PDGFD: variants seen among roughly 807,000 people sequenced by gnomAD.
PDGFD encodes platelet-derived growth factor D.
A neutral mutation model predicts 44.7 loss-of-function variants in PDGFD; 30 were observed. The observed-to-expected ratio is 0.67, with a 90% CI of 0.50 to 0.91. PDGFD has a LOEUF of 0.91. Among genes scored for constraint, PDGFD ranks in the 40% least tolerant of loss-of-function variants. The pLI is 0.00. For missense variants in PDGFD, 445 were observed against 457.8 expected (o/e 0.97, Z 0.25); for synonymous variants, 173 against 168.4 (o/e 1.03, Z -0.21).
chr11:104,137,053 C>G (rs1036764606), intron 1 of PDGFD, among the ~76,000 whole-genome samples: 3 of 152,162 alleles, frequency 2.0e-5, no homozygotes, highest in Non-Finnish European at 4.4e-5. Flanking sequence ...GCCCCTCCTT[C>G]CTGGTCCATT....
At chr11:104,021,829 C>A (rs1469734197) in intron 1 of PDGFD, among the ~76,000 whole-genome samples, 1 of 152,150 alleles carries the variant, frequency 6.6e-6, no homozygotes, top group Non-Finnish European at 1.5e-5. Flanking sequence ...TGGAAGAGGG[C>A]TGCTGAGATG....
chr11:104,095,364 TAAAC>T (rs1327975061), intron 1 of PDGFD, among the ~76,000 whole-genome samples: 3 of 152,070 alleles, frequency 2.0e-5, no homozygotes, highest in African/African-American at 7.2e-5. Context: ...ACTTAATAAA[TAAAC>T]AATATTTTGA....
chr11:103,986,391 C>T (rs1235251838), intron 3 of PDGFD, among the ~76,000 whole-genome samples: 1 of 152,172 alleles, frequency 6.6e-6, no homozygotes, highest in African/African-American at 2.4e-5. Context: ...AAACTTAAAA[C>T]ATAAAACTCA....
At chr11:104,108,841 C>G (rs12223758) in intron 1 of PDGFD, among the ~76,000 whole-genome samples, 5,452 of 152,164 alleles carry the variant, frequency 0.036, 270 homozygotes, top group East Asian at 0.27. Flanking sequence ...GAAAATGTGG[C>G]ACATATACAC....
intron 4 of PDGFD, 42 bp from the exon 5 acceptor site, chr11:103,943,692 T>C (rs537902187): frequency 3.3e-6 from 5 of 1,528,136 alleles, no homozygotes; most frequent in Non-Finnish European, 4.5e-6. Flanking sequence ...AATAAGTCCA[T>C]TGCTGTGAAA....
At chr11:103,915,448 G>A (rs1858106811) in intron 6 of PDGFD, among the ~76,000 whole-genome samples, 1 of 151,984 alleles carries the variant, frequency 6.6e-6, no homozygotes, top group Non-Finnish European at 1.5e-5. Flanking sequence ...AAATAAGAGA[G>A]GACACAAACA....
chr11:103,965,828 TGACACTTC>T (rs1227806079), intron 3 of PDGFD, among the ~76,000 whole-genome samples: 117 of 152,254 alleles, frequency 7.7e-4, no homozygotes, highest in African/African-American at 2.7e-3. Flanking sequence ...TGGAAAACCC[TGACACTTC>T]GACAGCCTCT....
chr11:104,124,227 C>T (rs1861813325), intron 1 of PDGFD, among the ~76,000 whole-genome samples: 1 of 151,896 alleles, frequency 6.6e-6, no homozygotes, highest in African/African-American at 2.4e-5. Context: ...TTAAATTTAC[C>T]AAGCCAGATA....
At chr11:104,009,826 C>A (rs935362895) in intron 1 of PDGFD, among the ~76,000 whole-genome samples, 2 of 152,132 alleles carry the variant, frequency 1.3e-5, no homozygotes, top group African/African-American at 4.8e-5. Flanking sequence ...AAAATCAGCA[C>A]GGAAGCTTTT....
chr11:103,949,968 C>T (rs115450162), intron 3 of PDGFD, among the ~76,000 whole-genome samples: 72 of 152,250 alleles, frequency 4.7e-4, no homozygotes, highest in African/African-American at 1.7e-3. Flanking sequence ...AAACAACTTA[C>T]TGGGGAAACT....
At chr11:104,009,534 A>G (rs1859752575) in intron 1 of PDGFD, among the ~76,000 whole-genome samples, 1 of 152,036 alleles carries the variant, frequency 6.6e-6, no homozygotes, top group Non-Finnish European at 1.5e-5. Context: ...CCTAAGATGC[A>G]AAACAGTACC....
At chr11:104,137,157 CAAT>C (rs1376558082) in intron 1 of PDGFD, among the ~76,000 whole-genome samples, 3 of 152,114 alleles carry the variant, frequency 2.0e-5, no homozygotes, top group Admixed American at 2.0e-4. Flanking sequence ...ACAGTATTGT[CAAT>C]AATAAGTCCA....
At chr11:104,079,192 T>TA (rs754613513) in intron 1 of PDGFD, among the ~76,000 whole-genome samples, 8 of 151,920 alleles carry the variant, frequency 5.3e-5, no homozygotes, top group South Asian at 2.1e-4. Flanking sequence ...CCAAGGCAGG[T>TA]AAAAAAAAGA....
rs781392119 is a variant in PDGFD, at chr11:103,943,536, C to T, written c.688G>A (p.Glu230Lys). 1 of 1,613,378 alleles carries T rather than the reference C, an allele frequency of 6.2e-7. No homozygotes were observed. The highest frequency in any genetic ancestry group is 1.1e-5 in the South Asian group (1 of 91,038). The change falls in exon 5 of 7, where the codon GAG (glutamate) becomes AAG (lysine). Residue 230 changes from glutamate to lysine, a missense_variant. By Grantham distance (56) the Glu-to-Lys change is moderately conservative. Transcript: ENST00000393158. ...TTCTCAAGATCTTCTTGCCATGACT[C>T]TGGATTGAAGTACTTGAGCAGATCT... ...VEDLLKYFNP[E>K]SWQEDLENMY...
At chr11:104,157,249 C>A (rs1212951240) in intron 1 of PDGFD, among the ~76,000 whole-genome samples, 1 of 152,168 alleles carries the variant, frequency 6.6e-6, no homozygotes, top group African/African-American at 2.4e-5. Flanking sequence ...GAAAGTCATT[C>A]ATGTCCCCCA....
At chr11:103,977,701 T>C (rs1173246372) in intron 3 of PDGFD, among the ~76,000 whole-genome samples, 1 of 152,076 alleles carries the variant, frequency 6.6e-6, no homozygotes, top group Non-Finnish European at 1.5e-5. Context: ...TTGATTATAT[T>C]TTGATTAAAA....
chr11:104,161,945 A>AAGAGAGAG lies in PDGFD; in HGVS notation c.124+1858_124+1859insCTCTCTCT, dbSNP rs111479124. The stretch of plus-strand genomic sequence containing the variant: ...AGTATTGAGCAATCAGAACTAATCA[A>AAGAGAGAG]AGAGAGTGTGTGTGTGTGTGTGTGT... On this transcript the variant is annotated intron_variant, in intron 1 of 6. Coordinates refer to ENST00000393158, the MANE Select transcript of PDGFD (RefSeq NM_025208.5). Among the ~76,000 whole-genome samples, 394 of 137,808 alleles carry AAGAGAGAG rather than the reference A, an allele frequency of 2.9e-3. 1 individual carries two copies. The highest frequency in any genetic ancestry group is 9.6e-3 in the African/African-American group (351 of 36,492). The allele number at this position is 137,808 out of a possible 152,430, so 90.4% of individuals were successfully genotyped here. A position where few individuals can be genotyped will look rare whatever the true frequency, so the allele number is the denominator to read the frequency against.
intron 1 of PDGFD, among the ~76,000 whole-genome samples, chr11:104,131,061 A>G (rs1450343187): frequency 6.6e-6 from 1 of 152,210 alleles, no homozygotes; most frequent in East Asian, 1.9e-4. Context: ...ACAAACATAA[A>G]TAAGAAAATA....
chr11:103,999,894 T>C (rs1859594003), intron 2 of PDGFD, among the ~76,000 whole-genome samples, 157 bp downstream of exon 2: 1 of 103,870 alleles, frequency 9.6e-6, no homozygotes, highest in Admixed American at 8.9e-5. Context: ...GTCTACGCTA[T>C]CTTGTCTGTT....
Sources: gnomAD v4.1 joint callset for allele counts (sites outside exome capture counted in the v4.1 genomes callset) on GRCh38, gnomAD v4.1.1 for gene constraint, MANE v1.5 for transcripts, NCBI Gene and HGNC (gene_info 2026-07-23, HGNC 2026-07-21) for gene names.